SULF1: variants seen among roughly 807,000 people sequenced by gnomAD.
The protein encoded by SULF1 is extracellular sulfatase Sulf-1.
SULF1 carries 46 observed loss-of-function variants against 110.5 expected under a neutral mutation model. The ratio of observed to expected loss-of-function variants is 0.42; its 90% CI spans 0.33 to 0.53. The LOEUF (loss-of-function observed/expected upper bound fraction) is 0.53. SULF1 is among the 20% of genes least tolerant of loss of function. SULF1 has a pLI of 0.12. For missense variants in SULF1, 941 were observed against 1,094.2 expected, an observed-to-expected ratio of 0.86 and a Z score of 1.98; for synonymous variants, 371 against 387.1, an observed-to-expected ratio of 0.96 and a Z score of 0.49.
intron 13 of SULF1, among the ~76,000 whole-genome samples, chr8:69,618,436 A>G (rs1008547003): frequency 6.6e-6 from 1 of 152,246 alleles, no homozygotes; most frequent in Non-Finnish European, 1.5e-5. Context: ...AGATATTACA[A>G]GTAATGTAGA....
chr8:69,500,952 C>A (rs1452416609), intron 2 of SULF1, among the ~76,000 whole-genome samples: 1 of 152,042 alleles, frequency 6.6e-6, no homozygotes. Flanking sequence ...AGCAAAGGAC[C>A]TGGGGCTTAA....
At chr8:69,649,165 T>A (rs1412933068) in intron 22 of SULF1, among the ~76,000 whole-genome samples, 1 of 152,216 alleles carries the variant, frequency 6.6e-6, no homozygotes, top group Non-Finnish European at 1.5e-5. Context: ...GTCGAATAAA[T>A]TTAACTTTCT....
At chr8:69,589,920 C>T (rs567303042) in intron 8 of SULF1, among the ~76,000 whole-genome samples, 4 of 152,172 alleles carry the variant, frequency 2.6e-5, no homozygotes, top group Non-Finnish European at 5.9e-5. Context: ...GTGGAGTTGG[C>T]TCTGTGTCTG....
In SULF1 at chr8:69,640,135, G is replaced by A. The variant is rs944330683; in HGVS notation, c.2552-673G>A. Among the ~76,000 whole-genome samples the A allele has an allele frequency of 3.8e-3, 567 of 150,302 alleles. 3 individuals carry two copies. Among genetic ancestry groups the A allele is most frequent in the African/African-American group, 0.013 (542 of 40,790 alleles). On this transcript the variant is annotated intron_variant, in intron 21 of 22. Transcript: ENST00000402687. ...AGGAAGGAAGAAAGGAAGGAAGAAG[G>A]AAGGAAGGAAGGAAAGAAAGAAAGA...
chr8:69,544,220 G>A (rs527828312), intron 3 of SULF1, among the ~76,000 whole-genome samples: 13 of 151,824 alleles, frequency 8.6e-5, no homozygotes, highest in Admixed American at 5.9e-4. Context: ...CCTAATTTGA[G>A]GTATAACTGA....
chr8:69,594,667 C>A (rs927923850), intron 8 of SULF1, among the ~76,000 whole-genome samples: 22 of 151,774 alleles, frequency 1.4e-4, no homozygotes, highest in African/African-American at 5.1e-4. Flanking sequence ...TCCACAAATA[C>A]GTGAAAGGAC....
At chr8:69,531,205 G>A (rs1260222378) in intron 3 of SULF1, among the ~76,000 whole-genome samples, 1 of 152,120 alleles carries the variant, frequency 6.6e-6, no homozygotes, top group Non-Finnish European at 1.5e-5. Flanking sequence ...CCTGTGCTCT[G>A]TCTCCTCTCA....
At chr8:69,522,816 AT>A (rs1334019545) in intron 3 of SULF1, among the ~76,000 whole-genome samples, 3 of 152,144 alleles carry the variant, frequency 2.0e-5, no homozygotes, top group Non-Finnish European at 4.4e-5. Context: ...TGATCATTGG[AT>A]TTATCCATTG....
intron 3 of SULF1, among the ~76,000 whole-genome samples, chr8:69,529,967 G>T (rs1410861173): frequency 2.6e-5 from 4 of 152,226 alleles, no homozygotes; most frequent in African/African-American, 7.2e-5. Flanking sequence ...ACTGGAGACT[G>T]TGTTGGAGGC....
chr8:69,562,789 T>A (rs943637066), intron 3 of SULF1: 1 of 153,192 alleles, frequency 6.5e-6, no homozygotes, highest in Non-Finnish European at 1.5e-5. Context: ...AGGTTTAAGA[T>A]CTGTGACAAA....
At chr8:69,528,046 C>G (rs1812819246) in intron 3 of SULF1, among the ~76,000 whole-genome samples, 1 of 152,090 alleles carries the variant, frequency 6.6e-6, no homozygotes, top group African/African-American at 2.4e-5. Context: ...TCTTTCTTTC[C>G]CAGGAACTCT....
chr8:69,647,372 C>G (rs1812000826), intron 22 of SULF1, among the ~76,000 whole-genome samples: 1 of 152,120 alleles, frequency 6.6e-6, no homozygotes. Flanking sequence ...TATAATCAGC[C>G]ATTAACCACA....
At chr8:69,548,442 T>A (rs1393457475) in intron 3 of SULF1, among the ~76,000 whole-genome samples, 2 of 149,464 alleles carry the variant, frequency 1.3e-5, no homozygotes, top group African/African-American at 2.5e-5. Context: ...GCACTTTGGA[T>A]GTTAACTTTT....
intron 5 of SULF1, among the ~76,000 whole-genome samples, chr8:69,572,639 G>A (rs557948599): frequency 1.3e-5 from 2 of 152,260 alleles, no homozygotes; most frequent in East Asian, 1.9e-4. Context: ...TCACTGAGAG[G>A]CAGCTTCGGC....
At chr8:69,599,203 A>G (rs992504831) in intron 8 of SULF1, among the ~76,000 whole-genome samples, 3 of 152,290 alleles carry the variant, frequency 2.0e-5, no homozygotes, top group South Asian at 2.1e-4. Flanking sequence ...GTTTTATAAT[A>G]TAAATAATGG....
chr8:69,538,940 TTCGGC>T (rs1813665040), intron 3 of SULF1, among the ~76,000 whole-genome samples: 1 of 152,160 alleles, frequency 6.6e-6, no homozygotes, highest in Admixed American at 6.5e-5. Context: ...ATCTGCCGGC[TTCGGC>T]CTCCCAAAGT....
chr8:69,469,831 CA>C (rs374027530), intron 1 of SULF1, among the ~76,000 whole-genome samples: 1 of 152,304 alleles, frequency 6.6e-6, no homozygotes, highest in African/African-American at 2.4e-5. Context: ...CACCTGAGAT[CA>C]GGAGTTCAAG....
At chr8:69,645,074 G>A (rs1056003061) in intron 22 of SULF1, among the ~76,000 whole-genome samples, 1 of 152,168 alleles carries the variant, frequency 6.6e-6, no homozygotes, top group Admixed American at 6.5e-5. Context: ...GGTGAAAGTC[G>A]TTAGGGTATA....
chr8:69,647,889 T>C (rs564076038), intron 22 of SULF1, among the ~76,000 whole-genome samples: 1 of 151,730 alleles, frequency 6.6e-6, no homozygotes, highest in African/African-American at 2.4e-5. Flanking sequence ...TGATACTCTG[T>C]CTCAAAAAAG....
Sources: gnomAD v4.1 joint callset for allele counts (sites outside exome capture counted in the v4.1 genomes callset) on GRCh38, gnomAD v4.1.1 for gene constraint, MANE v1.5 for transcripts, NCBI Gene and HGNC (gene_info 2026-07-23, HGNC 2026-07-21) for gene names.